Variants in PLEKHA5 observed in about 807,000 individuals in gnomAD.
PLEKHA5 encodes pleckstrin homology domain-containing family A member 5.
Under a neutral mutation model 181.9 loss-of-function variants are expected in PLEKHA5, and 55 were observed. That is an observed-to-expected ratio of 0.30 (90% CI 0.24 to 0.38). The LOEUF is 0.38. PLEKHA5 is among the 10% of genes least tolerant of loss of function. The probability of loss-of-function intolerance (pLI) is 1.00; values close to 1 mark genes in which losing one functional copy is unlikely to be tolerated. For synonymous variants in PLEKHA5, 535 were observed against 529.4 expected (o/e 1.01, Z -0.15); for missense variants, 1,432 against 1,549.5 (o/e 0.92, Z 1.27).
At chr12:19,346,464 AC>A (rs1046407668) in intron 23 of PLEKHA5, among the ~76,000 whole-genome samples, 1 of 151,676 alleles carries the variant, frequency 6.6e-6, no homozygotes, top group African/African-American at 2.4e-5. Context: ...ACATAGCAAG[AC>A]CCCCATCTCT....
chr12:19,204,931 TC>T (rs1276796322), intron 3 of PLEKHA5, among the ~76,000 whole-genome samples: 1 of 152,146 alleles, frequency 6.6e-6, no homozygotes, highest in Admixed American at 6.6e-5. Context: ...TTATCACTGG[TC>T]CCATTTACAT....
intron 30 of PLEKHA5, among the ~76,000 whole-genome samples, chr12:19,369,347 A>AAT (rs201003930): frequency 6.6e-6 from 1 of 150,822 alleles, no homozygotes; most frequent in African/African-American, 2.4e-5. Flanking sequence ...AAAAAAAAAA[A>AAT]TTTTTAAGTA....
intron 15 of PLEKHA5, chr12:19,307,341 G>A (rs1407698003): frequency 1.9e-5 from 6 of 313,734 alleles, no homozygotes; most frequent in African/African-American, 4.5e-5. Flanking sequence ...GCATGGTGGC[G>A]CATGCCTGTA....
chr12:19,165,852 G>A (rs1012719084), intron 3 of PLEKHA5, among the ~76,000 whole-genome samples: 1 of 152,142 alleles, frequency 6.6e-6, no homozygotes, highest in African/African-American at 2.4e-5. Flanking sequence ...GTTCGCAAAA[G>A]GGAAAGTACA....
intron 11 of PLEKHA5, among the ~76,000 whole-genome samples, chr12:19,281,179 T>C (rs1314754968): frequency 6.6e-6 from 1 of 150,628 alleles, no homozygotes; most frequent in African/African-American, 2.4e-5. Flanking sequence ...CGGGCTGCAG[T>C]GTACTCCACT....
intron 3 of PLEKHA5, among the ~76,000 whole-genome samples, chr12:19,174,835 C>T (rs1231061572): frequency 6.6e-6 from 1 of 152,186 alleles, no homozygotes; most frequent in African/African-American, 2.4e-5. Context: ...TCCATGCAGT[C>T]ATCTCTGTTG....
At chr12:19,367,684 A>G (rs1412294511) in intron 30 of PLEKHA5, among the ~76,000 whole-genome samples, 12 of 151,376 alleles carry the variant, frequency 7.9e-5, no homozygotes, top group African/African-American at 2.7e-4. Flanking sequence ...GGTTCATGCC[A>G]TTCTTCTGCC....
chr12:19,228,284 T>C (rs2059964102), intron 3 of PLEKHA5, among the ~76,000 whole-genome samples: 1 of 152,214 alleles, frequency 6.6e-6, no homozygotes, highest in Non-Finnish European at 1.5e-5. Context: ...GCTCTTCATA[T>C]ACCTTACTAA....
chr12:19,161,282 A>C lies in PLEKHA5; in HGVS notation c.227+28832A>C, dbSNP rs2042907500. On this transcript the variant is annotated intron_variant, in intron 3 of 31. Coordinates refer to ENST00000429027, the MANE Select transcript of PLEKHA5 (RefSeq NM_001256470.2). ...GCCAATTGCCCTCACTTGTGCTCCCAAGTGCTTGTTCTCCCTTCCCCCCAC... is the reference window on the plus strand; with the variant it reads ...GCCAATTGCCCTCACTTGTGCTCCCCAGTGCTTGTTCTCCCTTCCCCCCAC... Among the ~76,000 whole-genome samples the C allele has an allele frequency of 2.6e-5, 4 of 152,116 alleles. No homozygotes were observed. The South Asian group carries it at 8.3e-4, about 31-fold the overall frequency.
chr12:19,264,257 C>T (rs550963241), intron 7 of PLEKHA5, among the ~76,000 whole-genome samples: 13 of 152,044 alleles, frequency 8.6e-5, no homozygotes, highest in Non-Finnish European at 1.8e-4. Flanking sequence ...GCAAGGATTT[C>T]ACAGCTAGTT....
At chr12:19,223,259 G>T (rs530863532) in intron 3 of PLEKHA5, among the ~76,000 whole-genome samples, 1 of 152,072 alleles carries the variant, frequency 6.6e-6, no homozygotes, top group Admixed American at 6.5e-5. Context: ...ATTGCCACCT[G>T]GTGGACAGTG....
chr12:19,334,626 T>TA (rs1338278649), intron 20 of PLEKHA5, among the ~76,000 whole-genome samples: 1 of 151,564 alleles, frequency 6.6e-6, no homozygotes, highest in African/African-American at 2.4e-5. Context: ...GCACACAAAT[T>TA]AAACCATGGC....
chr12:19,327,479 T>C lies in PLEKHA5; in HGVS notation c.2448+4812T>C, dbSNP rs566295910. ...CTCGTTCAATTGCTTAAGCTCCTTA[T>C]AGATTCTGGATATTCAACCTTTGTC... On this transcript the variant is annotated intron_variant, in intron 20 of 31. Transcript: ENST00000429027. Among the ~76,000 whole-genome samples, 4 of 152,028 alleles carry C rather than the reference T, an allele frequency of 2.6e-5. No homozygotes were observed. In the East Asian group the frequency reaches 7.7e-4, roughly 29 times the overall value.
Position 19,320,161 on chromosome 12 carries a change from T to C in PLEKHA5, c.2154+105T>C, listed in dbSNP as rs2090261807. 6 of 444,042 alleles carry C rather than the reference T, an allele frequency of 1.4e-5. No individual in the cohort carries two copies. In the East Asian group the frequency reaches 2.4e-4, roughly 18 times the overall value. 27.5% of individuals were successfully genotyped at this position (444,042 alleles called of 1,614,324 possible). ...CATACACAGTGTGTGTTTATGTATATACCGTGAAGGATGGTTTTGGCTGTT... is the reference window on the plus strand; with the variant it reads ...CATACACAGTGTGTGTTTATGTATACACCGTGAAGGATGGTTTTGGCTGTT... On this transcript the variant is annotated intron_variant, in intron 17 of 31. Coordinates refer to ENST00000429027, the MANE Select transcript of PLEKHA5 (RefSeq NM_001256470.2).
intron 3 of PLEKHA5, among the ~76,000 whole-genome samples, chr12:19,215,462 C>T (rs2057782694): frequency 6.6e-6 from 1 of 151,980 alleles, no homozygotes; most frequent in African/African-American, 2.4e-5. Context: ...AACATTTTAT[C>T]CTCATGTGTG....
rs559850302 is a variant in PLEKHA5 at position 19,364,042 on chromosome 12, A to C, written c.3609-1922A>C. On this transcript the variant is annotated intron_variant, in intron 29 of 31. Coordinates refer to ENST00000429027, the MANE Select transcript of PLEKHA5 (RefSeq NM_001256470.2). ...GATGAGTTCATAATGATACAACAAC[A>C]AAAAAATTACTTGTTGGCCATTTTG... Among the ~76,000 whole-genome samples, 4 of 152,332 alleles carry C rather than the reference A, an allele frequency of 2.6e-5. No homozygotes were observed. The East Asian group carries it at 7.7e-4, about 29-fold the overall frequency.
At chr12:19,309,217 C>T (rs1219266958) in intron 15 of PLEKHA5, among the ~76,000 whole-genome samples, 1 of 152,036 alleles carries the variant, frequency 6.6e-6, no homozygotes, top group Admixed American at 6.5e-5. Flanking sequence ...TCAAGTAAAA[C>T]TGTCTTTGGC....
chr12:19,370,260 TA>T (rs1297202279), intron 31 of PLEKHA5, among the ~76,000 whole-genome samples: 5 of 152,224 alleles, frequency 3.3e-5, no homozygotes, highest in Non-Finnish European at 7.3e-5. Context: ...GATGGAATAT[TA>T]AAATCTTTAA....
chr12:19,341,309 AAGTT>A (rs1223130585), intron 21 of PLEKHA5, among the ~76,000 whole-genome samples: 3 of 152,190 alleles, frequency 2.0e-5, no homozygotes, highest in African/African-American at 4.8e-5. Context: ...AAATAGTTCA[AAGTT>A]AGTAGTAACC....
Sources: gnomAD v4.1 joint callset for allele counts (sites outside exome capture counted in the v4.1 genomes callset) on GRCh38, gnomAD v4.1.1 for gene constraint, MANE v1.5 for transcripts, NCBI Gene and HGNC (gene_info 2026-07-23, HGNC 2026-07-21) for gene names.